The following ASB15 variants were observed in gnomAD, a reference collection of about 807,000 sequenced individuals.
ASB15 encodes the protein ankyrin repeat and SOCS box containing 15, also known as ankyrin repeat and SOCS box protein 15.
Under a neutral mutation model 58.0 loss-of-function variants are expected in ASB15, and 54 were observed. The ratio of observed to expected loss-of-function variants is 0.93; its 90% CI spans 0.75 to 1.17. The LOEUF (loss-of-function observed/expected upper bound fraction) is 1.17. Among genes scored for constraint, ASB15 ranks in the 50% most tolerant of loss-of-function variants. The pLI is 0.00. For synonymous variants in ASB15, 249 were observed against 262.4 expected, an observed-to-expected ratio of 0.95 and a Z score of 0.50; for missense variants, 680 against 707.4, an observed-to-expected ratio of 0.96 and a Z score of 0.44.
intron 1 of ASB15, among the ~76,000 whole-genome samples, chr7:123,568,525 A>G (rs949927190): frequency 7.1e-6 from 1 of 140,952 alleles, no homozygotes; most frequent in African/African-American, 2.6e-5. Context: ...CCATCTCAAG[A>G]AAAAAAAAAA....
At chr7:123,624,352 C>T (rs1801623416) in intron 7 of ASB15, among the ~76,000 whole-genome samples, 1 of 152,022 alleles carries the variant, frequency 6.6e-6, no homozygotes, top group African/African-American at 2.4e-5. Context: ...TCCTCCAGGT[C>T]TTAAAGAAAA....
intron 11 of ASB15, among the ~76,000 whole-genome samples, chr7:123,634,414 G>A (rs1317379868): frequency 1.3e-5 from 2 of 152,166 alleles, no homozygotes; most frequent in Non-Finnish European, 2.9e-5. Flanking sequence ...GTATTCCATG[G>A]TGTATATGTA....
intron 2 of ASB15, 30 bp downstream of exon 2, chr7:123,604,242 T>C (rs193298786): frequency 8.9e-4 from 135 of 152,266 alleles, no homozygotes; most frequent in African/African-American, 3.2e-3. Context: ...TATCTTCAGA[T>C]AATGTTTTGA....
chr7:123,630,030 T>C lies in ASB15; in HGVS notation c.1505T>C (p.Ile502Thr), dbSNP rs375891039. 5.0e-6 allele frequency: 8 copies of C among 1,604,554 alleles called. No individual in the cohort carries two copies. Among genetic ancestry groups the C allele is most frequent in the South Asian group, 1.1e-5 (1 of 90,612 alleles). The change falls in exon 11 of 12, where the codon ATA (isoleucine) becomes ACA (threonine). Residue 502 changes from isoleucine (I) to threonine (T), a missense_variant. Coordinates refer to ENST00000451215, the MANE Select transcript of ASB15 (RefSeq NM_001290258.2). ...HLVGRVTRVL[I>T]DYMDYVPLCA... Reference sequence around the variant, plus strand: ...GTAGGCAGAGTTACTCGTGTACTAATAGATTACATGGATTATGTTCCTCTG... The same window carrying C: ...GTAGGCAGAGTTACTCGTGTACTAACAGATTACATGGATTATGTTCCTCTG...
intron 7 of ASB15, among the ~76,000 whole-genome samples, chr7:123,622,407 G>A (rs1285083596): frequency 1.3e-5 from 2 of 151,908 alleles, no homozygotes; most frequent in Non-Finnish European, 2.9e-5. Flanking sequence ...GTCATTTATT[G>A]GTTAAGAATG....
chr7:123,572,902 T>C (rs1798953552), intron 1 of ASB15, among the ~76,000 whole-genome samples: 1 of 152,108 alleles, frequency 6.6e-6, no homozygotes, highest in African/African-American at 2.4e-5. Flanking sequence ...ATTGTTGACA[T>C]TTTTCTTTTT....
intron 1 of ASB15, among the ~76,000 whole-genome samples, chr7:123,578,558 T>C (rs1799134060): frequency 6.6e-6 from 1 of 152,124 alleles, no homozygotes; most frequent in Non-Finnish European, 1.5e-5. Context: ...CATTTGCTTT[T>C]CTAACTATTA....
At chr7:123,580,653 C>G (rs1489696690) in intron 1 of ASB15, among the ~76,000 whole-genome samples, 1 of 152,046 alleles carries the variant, frequency 6.6e-6, no homozygotes, top group Non-Finnish European at 1.5e-5. Flanking sequence ...CAAGTGAATG[C>G]AACCCTTCTC....
chr7:123,605,440 T>C (rs1030703006), intron 2 of ASB15, among the ~76,000 whole-genome samples: 4 of 152,150 alleles, frequency 2.6e-5, no homozygotes, highest in Admixed American at 2.6e-4. Context: ...TTTGGTGATT[T>C]CTCAAAGAAC....
chr7:123,568,377 G>A (rs1019204537), intron 1 of ASB15, among the ~76,000 whole-genome samples: 20 of 151,836 alleles, frequency 1.3e-4, no homozygotes, highest in Non-Finnish European at 2.6e-4. Context: ...AAAATTAGCC[G>A]GGCATGGTGG....
At chr7:123,630,190 CTTT>C in intron 11 of ASB15, 71 bp downstream of exon 11, 2 of 1,188,886 alleles carry the variant, frequency 1.7e-6, no homozygotes, top group Non-Finnish European at 2.3e-6. Flanking sequence ...TTAATGTCTT[CTTT>C]GATACTTTTC....
chr7:123,601,722 G>C (rs560505007), upstream of ASB15: 2 of 152,196 alleles, frequency 1.3e-5, no homozygotes, highest in East Asian at 3.9e-4. Context: ...AGAGTCTAGA[G>C]AAGTCATGGG....
intron 3 of ASB15, among the ~76,000 whole-genome samples, chr7:123,612,810 G>C (rs1345335419): frequency 6.6e-6 from 1 of 152,140 alleles, no homozygotes; most frequent in Non-Finnish European, 1.5e-5. Flanking sequence ...CACATATTTA[G>C]AGAGCACAAA....
intron 11 of ASB15, among the ~76,000 whole-genome samples, chr7:123,635,583 C>CTTT (rs5887149): frequency 2.2e-4 from 18 of 81,680 alleles, no homozygotes; most frequent in East Asian, 8.3e-4. Context: ...AAATTAATTG[C>CTTT]TTTTTTTTTT....
At chr7:123,623,521 G>C (rs374758466) in intron 7 of ASB15, among the ~76,000 whole-genome samples, 1 of 152,072 alleles carries the variant, frequency 6.6e-6, no homozygotes, top group South Asian at 2.1e-4. Context: ...ACTGGGAACA[G>C]TTGGCCTATG....
intron 1 of ASB15, among the ~76,000 whole-genome samples, chr7:123,571,455 A>G (rs1415444220): frequency 6.6e-6 from 1 of 152,240 alleles, no homozygotes; most frequent in Non-Finnish European, 1.5e-5. Context: ...GAAAGTGATG[A>G]AATATCATAA....
At chr7:123,620,533 T>C (rs1801206200) in intron 7 of ASB15, among the ~76,000 whole-genome samples, 2 of 20,624 alleles carry the variant, frequency 9.7e-5, no homozygotes, top group South Asian at 1.7e-3. Flanking sequence ...TATATATATA[T>C]ATATATATAT....
chr7:123,600,363 A>G (rs1295013915), upstream of ASB15, among the ~76,000 whole-genome samples: 2 of 152,218 alleles, frequency 1.3e-5, no homozygotes, highest in Admixed American at 6.5e-5. Flanking sequence ...ATAAACGGAT[A>G]AAACAGGCAT....
At chr7:123,600,515 G>C (rs1413258452), upstream of ASB15, among the ~76,000 whole-genome samples, 2 of 152,092 alleles carry the variant, frequency 1.3e-5, no homozygotes, top group Non-Finnish European at 2.9e-5. Flanking sequence ...AAAAAAAGTT[G>C]TATAAAATTA....
Sources: allele counts gnomAD v4.1 joint callset (sites outside exome capture counted in the v4.1 genomes callset), GRCh38; gene constraint gnomAD v4.1.1; transcripts MANE v1.5; gene names NCBI Gene and HGNC (gene_info 2026-07-23, HGNC 2026-07-21).